IL12RB1: variants seen among roughly 807,000 people sequenced by gnomAD.
The protein encoded by IL12RB1 is interleukin-12 receptor subunit beta-1.
IL12RB1 carries 64 observed loss-of-function variants against 94.4 expected under a neutral mutation model. That is an observed-to-expected ratio of 0.68 (90% confidence interval 0.55 to 0.83). The LOEUF is 0.83. Among genes scored for constraint, IL12RB1 ranks in the 40% least tolerant of loss-of-function variants. The pLI, the probability that IL12RB1 is intolerant of heterozygous loss-of-function variation, is 0.00. For synonymous variants in IL12RB1, 362 were observed against 355.5 expected (o/e 1.02, Z -0.21); for missense variants, 814 against 855.6 (o/e 0.95, Z 0.61).
At chr19:18,078,858 T>C (rs1444084891) in intron 4 of IL12RB1, among the ~76,000 whole-genome samples, 1 of 152,074 alleles carries the variant, frequency 6.6e-6, no homozygotes, top group African/African-American at 2.4e-5. Context: ...AGAGGTATGA[T>C]GGTTTGATAT....
Position 18,086,900 on chromosome 19 carries a change from C to A in IL12RB1, c.-77G>T. On this transcript the variant is annotated 5_prime_UTR_variant, in exon 1 of 17. The change creates a premature stop within an existing upstream ORF in the 5' untranslated region. Transcript: ENST00000593993. The stretch of plus-strand genomic sequence containing the variant: ...AGGTTCAGCCACCCCGTCCCCACTC[C>A]GGAACACATTGAAGCTGAGCAAGGA... 6.4e-7 allele frequency: 1 copy of A among 1,573,728 alleles called. No homozygotes were observed. The highest frequency in any genetic ancestry group is 8.6e-7 in the Non-Finnish European group (1 of 1,158,826).
chr19:18,076,298 A>C lies in IL12RB1; in HGVS notation c.579T>G (p.Thr193=), dbSNP rs754168345. Residue 193 remains threonine, a splice_region_variant and synonymous_variant, in exon 6 of 17, where the codon ACT becomes ACG. Coordinates refer to ENST00000593993, the MANE Select transcript of IL12RB1 (RefSeq NM_005535.3). ...TGTCATTACTATTATTATTCTCACC[A>C]GTATCATCATCCTGAGGTCCGCAGT... is the stretch of plus-strand genomic sequence containing the variant. ...LGDCGPQDDD[T]ESCLCPLEMN... 1.4e-6 allele frequency: 2 copies of C among 1,394,542 alleles called. No homozygotes were observed. The highest frequency in any genetic ancestry group is 4.5e-5 in the East Asian group (2 of 43,984). The allele number at this position is 1,394,542 out of a possible 1,614,324, so 86.4% of individuals were successfully genotyped here.
At chr19:18,077,716 T>G in intron 4 of IL12RB1, 61 bp from the exon 5 acceptor site, 1 of 1,039,318 alleles carries the variant, frequency 9.6e-7, no homozygotes, top group Non-Finnish European at 1.5e-6. Flanking sequence ...TAATGGGCCC[T>G]GAAAATCCAC....
chr19:18,078,451 T>A (rs1221272426), intron 4 of IL12RB1, among the ~76,000 whole-genome samples: 1 of 151,958 alleles, frequency 6.6e-6, no homozygotes, highest in Non-Finnish European at 1.5e-5. Context: ...AAATAATTTT[T>A]AATAAAGATT....
upstream of IL12RB1, among the ~76,000 whole-genome samples, chr19:18,087,210 A>ATTTTT (rs10640856): frequency 1.5e-3 from 201 of 135,530 alleles, no homozygotes; most frequent in South Asian, 6.5e-3. Flanking sequence ...TCTCTAGCCA[A>ATTTTT]TTTTTTTTTT....
At chr19:18,063,662 G>T (rs1220620885) in intron 13 of IL12RB1, among the ~76,000 whole-genome samples, 1 of 152,190 alleles carries the variant, frequency 6.6e-6, no homozygotes, top group African/African-American at 2.4e-5. Context: ...TTCCAGGCAG[G>T]AGGCAGGGAA....
At chr19:18,071,405 C>G in intron 9 of IL12RB1, 2 of 855,106 alleles carry the variant, frequency 2.3e-6, no homozygotes, top group Non-Finnish European at 3.3e-6. Flanking sequence ...TTCTTTCTTT[C>G]TCTCTTTTTT....
intron 9 of IL12RB1, chr19:18,070,900 G>A: frequency 6.4e-6 from 1 of 156,382 alleles, no homozygotes; most frequent in Non-Finnish European, 1.4e-5. Flanking sequence ...AGCCATGATT[G>A]CACTCCAGTC....
At position 18,075,731 on chromosome 19, in the gene IL12RB1, T is replaced by C; in HGVS notation, c.700+18A>G. On this transcript the variant is annotated intron_variant, in intron 7 of 16. Coordinates refer to ENST00000593993, the MANE Select transcript of IL12RB1 (RefSeq NM_005535.3). Reference sequence around the variant, plus strand: ...TTTCTAATGCTTGCCCCTGTTCCTGTACTCAGAGTGATCTTACCAGGGGGA... The same window carrying C: ...TTTCTAATGCTTGCCCCTGTTCCTGCACTCAGAGTGATCTTACCAGGGGGA... The C allele has an allele frequency of 6.2e-7, 1 of 1,608,462 alleles. No individual in the cohort carries two copies.
chr19:18,098,586 G>A (rs2037232760), intron 1 of IL12RB1, among the ~76,000 whole-genome samples: 1 of 152,024 alleles, frequency 6.6e-6, no homozygotes, highest in Admixed American at 6.6e-5. Flanking sequence ...GCCACACAGG[G>A]ACTACATGAC....
At chr19:18,095,825 G>A (rs1299067662) in intron 1 of IL12RB1, among the ~76,000 whole-genome samples, 1 of 151,998 alleles carries the variant, frequency 6.6e-6, no homozygotes, top group Non-Finnish European at 1.5e-5. Context: ...CCCTTCCTAG[G>A]GTCCCCTCGA....
chr19:18,088,414 G>C (rs1212566280), upstream of IL12RB1, among the ~76,000 whole-genome samples: 7 of 111,986 alleles, frequency 6.3e-5, no homozygotes, highest in Non-Finnish European at 1.0e-4. Flanking sequence ...TAAATTAAAA[G>C]TTAGCCAGTC....
intron 1 of IL12RB1, among the ~76,000 whole-genome samples, chr19:18,094,344 G>T (rs2036785310): frequency 6.6e-6 from 1 of 152,128 alleles, no homozygotes; most frequent in Non-Finnish European, 1.5e-5. Context: ...GCCCAGGCTG[G>T]TCTCAAACTC....
chr19:18,076,426 A>G, intron 5 of IL12RB1, 99 bp from the exon 6 acceptor site: 1 of 723,910 alleles, frequency 1.4e-6, no homozygotes, highest in Non-Finnish European at 2.5e-6. Flanking sequence ...TATCTGAGAC[A>G]CGGTCTCACT....
In IL12RB1 at chr19:18,072,255, C is replaced by A. The variant is rs2035113237; in HGVS notation, c.878G>T (p.Cys293Phe). The change falls in exon 9 of 17, where the codon TGT becomes TTT. Residue 293 changes from cysteine (C) to phenylalanine (F), a missense_variant. Physicochemically the swap from Cys to Phe is radical, Grantham distance 205. Coordinates refer to ENST00000593993, the MANE Select transcript of IL12RB1 (RefSeq NM_005535.3). ...RLQLHMLSCP[C>F]KAKATRTLHL... ...CAGGGTCCTGGTGGCCTTGGCCTTA[C>A]ACGGGCAGGACAGCATGTGGAGCTG... 2 of 1,614,002 alleles carry A rather than the reference C, an allele frequency of 1.2e-6. No homozygotes were observed. The highest frequency in any genetic ancestry group is 1.7e-6 in the Non-Finnish European group (2 of 1,180,002).
chr19:18,098,759 C>G (rs879237729), exon 1 of IL12RB1: 2 of 456,694 alleles, frequency 4.4e-6, no homozygotes, highest in African/African-American at 4.0e-5. Context: ...ACTTACCCAA[C>G]GAACATTTAT....
chr19:18,082,006 C>A, intron 3 of IL12RB1, 144 bp downstream of exon 3: 1 of 686,186 alleles, frequency 1.5e-6, no homozygotes, highest in Non-Finnish European at 2.7e-6. Context: ...TCCTCCAACT[C>A]TCTCTTCTTA....
intron 1 of IL12RB1, among the ~76,000 whole-genome samples, chr19:18,085,157 C>T (rs1404081991): frequency 2.0e-5 from 3 of 152,148 alleles, no homozygotes; most frequent in African/African-American, 7.2e-5. Context: ...AGGAAGACCC[C>T]GGCGCCCTCA....
chr19:18,061,078 G>T, intron 15 of IL12RB1, 44 bp downstream of exon 15: 1 of 1,013,636 alleles, frequency 9.9e-7, no homozygotes, highest in Non-Finnish European at 1.5e-6. Flanking sequence ...TGTCCAGCAT[G>T]TGCACCCAAT....
Sources: gnomAD v4.1 joint callset for allele counts (sites outside exome capture counted in the v4.1 genomes callset) on GRCh38, gnomAD v4.1.1 for gene constraint, MANE v1.5 for transcripts, NCBI Gene and HGNC (gene_info 2026-07-23, HGNC 2026-07-21) for gene names.